The following TMPRSS11F variants were observed in gnomAD, a reference collection of about 807,000 sequenced individuals.
TMPRSS11F encodes the protein transmembrane protease serine 11F.
TMPRSS11F carries 47 observed loss-of-function variants against 60.2 expected under a neutral mutation model. That is an observed-to-expected ratio of 0.78 (90% CI 0.62 to 1.00). The LOEUF is 1.00. Among genes scored for constraint, TMPRSS11F ranks in the 50% least tolerant of loss-of-function variants. TMPRSS11F has a pLI of 0.00. For synonymous variants in TMPRSS11F, 166 were observed against 167.3 expected (o/e 0.99, Z 0.06); for missense variants, 519 against 522.9 (o/e 0.99, Z 0.07).
intron 3 of TMPRSS11F, among the ~76,000 whole-genome samples, chr4:68,087,433 T>A (rs550273277): frequency 1.0e-3 from 154 of 152,186 alleles, no homozygotes; most frequent in African/African-American, 3.1e-3. Flanking sequence ...CTGGAACCAT[T>A]CCCCTTGAGA....
At chr4:68,074,473 C>T (rs2109848325) in intron 3 of TMPRSS11F, among the ~76,000 whole-genome samples, 1 of 152,338 alleles carries the variant, frequency 6.6e-6, no homozygotes, top group Non-Finnish European at 1.5e-5. Context: ...GTTTGCTGCA[C>T]TCATCCCAAA....
intron 2 of TMPRSS11F, among the ~76,000 whole-genome samples, chr4:68,095,350 G>A (rs55862217): frequency 0.22 from 33,099 of 151,802 alleles, 4,047 homozygotes; most frequent in Admixed American, 0.37. Flanking sequence ...AATACAAAAT[G>A]GGAAAACGAC....
At chr4:68,094,692 T>C (rs919265520) in intron 2 of TMPRSS11F, among the ~76,000 whole-genome samples, 1 of 151,994 alleles carries the variant, frequency 6.6e-6, no homozygotes, top group Non-Finnish European at 1.5e-5. Context: ...TCCAGCCCTA[T>C]AGAACAGGAA....
intron 8 of TMPRSS11F, among the ~76,000 whole-genome samples, chr4:68,059,848 A>T (rs1351296191): frequency 6.6e-6 from 1 of 152,194 alleles, no homozygotes; most frequent in Non-Finnish European, 1.5e-5. Flanking sequence ...GTTCACTGAC[A>T]TTCCTAAAGC....
intron 2 of TMPRSS11F, among the ~76,000 whole-genome samples, chr4:68,097,056 A>G (rs1224917578): frequency 6.6e-6 from 1 of 152,158 alleles, no homozygotes; most frequent in Non-Finnish European, 1.5e-5. Context: ...GTCATGGTCT[A>G]CCTTCTCCTG....
chr4:68,081,332 A>G (rs1458934336), intron 3 of TMPRSS11F, among the ~76,000 whole-genome samples: 2 of 152,174 alleles, frequency 1.3e-5, no homozygotes, highest in Non-Finnish European at 2.9e-5. Context: ...ATCTTTTTGG[A>G]TTGTCCTGAG....
intron 1 of TMPRSS11F, among the ~76,000 whole-genome samples, chr4:68,124,083 C>T (rs1724670768): frequency 6.6e-6 from 1 of 151,662 alleles, no homozygotes; most frequent in Admixed American, 6.6e-5. Context: ...TAGCCAGGTG[C>T]GGTGGTGCAC....
chr4:68,063,362 TTTTTTGTTTTCTGTTTTTG>T (rs1723244330), intron 8 of TMPRSS11F: 1 of 423,060 alleles, frequency 2.4e-6, no homozygotes, highest in African/African-American at 2.1e-5. Flanking sequence ...TTCTCTCTTT[TTTTTTGTTTTCTGTTTTTG>T]TTTTTGTTTG....
rs149271800 is a variant in TMPRSS11F at position 68,059,828 on chromosome 4, G to A, written c.1016-360C>T. On this transcript the variant is annotated intron_variant, in intron 8 of 9. Coordinates refer to ENST00000356291, the MANE Select transcript of TMPRSS11F (RefSeq NM_207407.2). ...ACATTCTCCATGTAAGGAAACCATG[G>A]TCCCTGGAAGTTCACTGACATTCCT... 1.7e-3 allele frequency among the ~76,000 whole-genome samples: 255 copies of A among 152,234 alleles called. 2 individuals are homozygous for A. The highest frequency in any genetic ancestry group is 6.0e-3 in the African/African-American group (249 of 41,518).
chr4:68,100,062 G>C (rs13146856), intron 1 of TMPRSS11F, among the ~76,000 whole-genome samples: 32,554 of 150,368 alleles, frequency 0.22, 3,969 homozygotes, highest in Admixed American at 0.37. Flanking sequence ...AAAAAGGACA[G>C]AGAAAATAGC....
At chr4:68,120,699 A>T (rs772703125) in intron 1 of TMPRSS11F, among the ~76,000 whole-genome samples, 2 of 151,302 alleles carry the variant, frequency 1.3e-5, no homozygotes, top group South Asian at 2.1e-4. Flanking sequence ...AGAAATCTTT[A>T]TTGAAAGAGT....
chr4:68,070,433 T>A (rs1222880587), intron 5 of TMPRSS11F, among the ~76,000 whole-genome samples: 1 of 152,192 alleles, frequency 6.6e-6, no homozygotes, highest in Non-Finnish European at 1.5e-5. Context: ...ATGGTAGCTC[T>A]ATGGAGCTAA....
At chr4:68,085,312 T>G (rs1723790320) in intron 3 of TMPRSS11F, among the ~76,000 whole-genome samples, 2 of 151,672 alleles carry the variant, frequency 1.3e-5, no homozygotes, top group African/African-American at 4.8e-5. Context: ...ATCGCCACAC[T>G]GACTTCCACA....
Position 68,098,944 on chromosome 4 carries a change from C to A in TMPRSS11F, c.106G>T (p.Ala36Ser). 6.2e-7 allele frequency: 1 copy of A among 1,612,826 alleles called. No homozygotes were observed. Among genetic ancestry groups the A allele is most frequent in the Non-Finnish European group, 8.5e-7 (1 of 1,179,382 alleles). ...DSVRLALFTL[A>S]IVAIIGIAIG... ...GCAATTCCTATGATTGCTACAATTG[C>A]TAATGTGAAAAGAGCTAGCCGTACT... The change falls in exon 2 of 10, where the codon GCA becomes TCA. Residue 36 changes from alanine (A) to serine (S), a missense_variant. Ala to Ser is a moderately conservative substitution (Grantham distance 99, BLOSUM62 1). Transcript: ENST00000356291.
chr4:68,124,199 C>T (rs894647279), intron 1 of TMPRSS11F, among the ~76,000 whole-genome samples: 23 of 145,968 alleles, frequency 1.6e-4, no homozygotes, highest in African/African-American at 4.9e-4. Context: ...CCAGCCTGGG[C>T]GACAGAGTGA....
chr4:68,055,659 A>G (rs575593434), intron 9 of TMPRSS11F, among the ~76,000 whole-genome samples: 3 of 152,320 alleles, frequency 2.0e-5, no homozygotes, highest in African/African-American at 7.2e-5. Context: ...AGAAGAAATA[A>G]TACCAATCTT....
chr4:68,074,823 G>A (rs990868486), intron 3 of TMPRSS11F, among the ~76,000 whole-genome samples: 5 of 152,120 alleles, frequency 3.3e-5, no homozygotes, highest in African/African-American at 1.2e-4. Context: ...CTAGCAGGGT[G>A]CAGTGGCTCA....
At chr4:68,099,126 T>A (rs917356744) in intron 1 of TMPRSS11F, 88 bp from the exon 2 acceptor site, 7 of 1,160,910 alleles carry the variant, frequency 6.0e-6, no homozygotes, top group Non-Finnish European at 8.5e-6. Context: ...ATGAAAATAG[T>A]TTATACTGCT....
At chr4:68,083,728 A>T (rs537874104) in intron 3 of TMPRSS11F, among the ~76,000 whole-genome samples, 17 of 152,358 alleles carry the variant, frequency 1.1e-4, no homozygotes, top group African/African-American at 3.6e-4. Flanking sequence ...GAGACCTCTC[A>T]TATGAAAAAG....
Sources: gnomAD v4.1 joint callset for allele counts (sites outside exome capture counted in the v4.1 genomes callset) on GRCh38, gnomAD v4.1.1 for gene constraint, MANE v1.5 for transcripts, NCBI Gene and HGNC (gene_info 2026-07-23, HGNC 2026-07-21) for gene names.